The following MLLT1 variants were observed in gnomAD, a reference collection of about 807,000 sequenced individuals.
The protein encoded by MLLT1 is protein ENL.
Under a neutral mutation model 55.1 loss-of-function variants are expected in MLLT1, and 11 were observed. The ratio of observed to expected loss-of-function variants is 0.20; its 90% CI spans 0.13 to 0.33. MLLT1 has a LOEUF of 0.33. MLLT1 is among the 10% of genes least tolerant of loss of function. MLLT1 has a pLI of 1.00. For synonymous variants in MLLT1, 323 were observed against 320.1 expected (o/e 1.01, Z -0.10); for missense variants, 536 against 760.6 (o/e 0.70, Z 3.47).
chr19:6,224,946 G>T (rs1179979905), intron 5 of MLLT1, among the ~76,000 whole-genome samples: 1 of 152,168 alleles, frequency 6.6e-6, no homozygotes. Context: ...AGCCAGGATG[G>T]TCTCCATCTC....
intron 3 of MLLT1, among the ~76,000 whole-genome samples, chr19:6,249,236 A>G (rs1280740478): frequency 6.6e-6 from 1 of 152,220 alleles, no homozygotes; most frequent in East Asian, 1.9e-4. Context: ...AGTTAACCCA[A>G]TTACTAAAAT....
At chr19:6,237,799 A>C (rs1031624157) in intron 3 of MLLT1, among the ~76,000 whole-genome samples, 3 of 151,028 alleles carry the variant, frequency 2.0e-5, no homozygotes, top group African/African-American at 7.3e-5. Flanking sequence ...TAAGAGACGA[A>C]GCAATCAAGA....
intron 5 of MLLT1, among the ~76,000 whole-genome samples, chr19:6,225,899 G>A (rs2144867511): frequency 6.6e-6 from 1 of 152,350 alleles, no homozygotes; most frequent in South Asian, 2.1e-4. Context: ...TCCCCAGCAA[G>A]AGCTTTTCCT....
chr19:6,222,617 G>T lies in MLLT1; in HGVS notation c.614C>A (p.Pro205His). The T allele has an allele frequency of 6.3e-7, 1 of 1,591,524 alleles. No homozygotes were observed. The highest frequency in any genetic ancestry group is 1.3e-5 in the African/African-American group (1 of 74,534). ...HKVTKEHRERPRKDSESKSSS... is the reference protein window; with the variant it reads ...HKVTKEHRERHRKDSESKSSS... ...GCTCTTGCTCTCGGAGTCTTTGCGG[G>T]GCCGCTCCCGGTGCTCCTTGGTCAC... The change falls in exon 6 of 12, where the codon CCC (proline) becomes CAC (histidine). Residue 205 changes from proline (P) to histidine (H), a missense_variant. Transcript: ENST00000252674. This position sits in a 1 kb window ranked among gnomAD's most constrained non-coding sequence, Gnocchi z 4.1.
chr19:6,249,769 T>TCCCAGC (rs1275625091), intron 3 of MLLT1, among the ~76,000 whole-genome samples: 6 of 152,078 alleles, frequency 3.9e-5, no homozygotes, highest in Non-Finnish European at 5.9e-5. Flanking sequence ...GCGCCTGTAA[T>TCCCAGC]CCCAGCACTT....
chr19:6,279,875 G>T lies in MLLT1; in HGVS notation c.-91C>A, dbSNP rs868001743. The T allele has an allele frequency of 4.9e-3, 791 of 162,104 alleles. 2 individuals carry two copies. The highest frequency in any genetic ancestry group is 0.01 in the Admixed American group (152 of 14,806). The allele number at this position is 162,104 out of a possible 1,614,324, so 10.0% of individuals were successfully genotyped here. A position where few individuals can be genotyped will look rare whatever the true frequency, so the allele number is the denominator to read the frequency against. On this transcript the variant is annotated 5_prime_UTR_variant, in exon 1 of 12. Transcript: ENST00000252674. ...TCAACGCCGCCCCGCCGCCCTCATT[G>T]TCTGTCAAGCGCCGCCGCCGCCGCC...
chr19:6,245,690 G>A (rs964264177), intron 3 of MLLT1, among the ~76,000 whole-genome samples: 7 of 151,526 alleles, frequency 4.6e-5, no homozygotes, highest in South Asian at 2.1e-4. Context: ...CAGCCTCGGC[G>A]ACAGAGCGAG....
At position 6,265,061 on chromosome 19, in the gene MLLT1, AAAAC is replaced by A. The variant is rs2091338018; in HGVS notation, c.194-2755_194-2752del. Among the ~76,000 whole-genome samples, 162 of 138,980 alleles carry A rather than the reference AAAAC, an allele frequency of 1.2e-3. 2 individuals are homozygous for A. Among genetic ancestry groups the A allele is most frequent in the East Asian group, 5.3e-3 (25 of 4,724 alleles). The allele number at this position is 138,980 out of a possible 152,430, so 91.2% of individuals were successfully genotyped here. ...AGCAAAAAAAAAACAAAAAAACAAA[AAAAC>A]AAAAAAAAACATGATGTCATAAAGC... On this transcript the variant is annotated intron_variant, in intron 2 of 11. Coordinates refer to ENST00000252674, the MANE Select transcript of MLLT1 (RefSeq NM_005934.4).
rs1043313269 is a variant in MLLT1, at chr19:6,218,115, C to T, written c.1111-74G>A. The T allele has an allele frequency of 2.3e-5, 35 of 1,519,552 alleles. No individual in the cohort carries two copies. The Admixed American group carries it at 2.5e-4, about 11-fold the overall frequency. The allele number at this position is 1,519,552 out of a possible 1,614,324, so 94.1% of individuals were successfully genotyped here. A position where few individuals can be genotyped will look rare whatever the true frequency, so the allele number is the denominator to read the frequency against. Reference sequence around the variant, plus strand: ...CACCTTTCAGCAGAGACAAAGGGGGCCCCCTGGCAGCAGCTACGCTGAGTG... The same window carrying T: ...CACCTTTCAGCAGAGACAAAGGGGGTCCCCTGGCAGCAGCTACGCTGAGTG... On this transcript the variant is annotated intron_variant, in intron 6 of 11. Coordinates refer to ENST00000252674, the MANE Select transcript of MLLT1 (RefSeq NM_005934.4).
intron 2 of MLLT1, among the ~76,000 whole-genome samples, chr19:6,266,095 A>G (rs890598732): frequency 4.6e-5 from 7 of 151,948 alleles, no homozygotes; most frequent in East Asian, 1.9e-4. Flanking sequence ...CTTGGGCAAC[A>G]TGGTGAAATC....
intron 3 of MLLT1, among the ~76,000 whole-genome samples, chr19:6,236,137 G>A (rs2091058617): frequency 6.6e-6 from 1 of 152,198 alleles, no homozygotes; most frequent in South Asian, 2.1e-4. Context: ...ATCCCAGCAG[G>A]GATCACAAGA....
intron 3 of MLLT1, among the ~76,000 whole-genome samples, chr19:6,254,220 T>C (rs953398339): frequency 3.9e-5 from 6 of 152,160 alleles, no homozygotes; most frequent in African/African-American, 1.4e-4. Flanking sequence ...CAATGGAGTC[T>C]CCATAAACAC....
At position 6,227,118 on chromosome 19, in the gene MLLT1, A is replaced by G. The variant is rs2090963467; in HGVS notation, c.421-16T>C. The G allele has an allele frequency of 6.3e-7, 1 of 1,587,432 alleles. No individual in the cohort carries two copies. Among genetic ancestry groups the G allele is most frequent in the Non-Finnish European group, 8.5e-7 (1 of 1,169,744 alleles). ...TTACCATCACCTAGTGACAGAGAAGAGACAGTCATTATCGATGGGCAGGGG... is the reference window on the plus strand; with the variant it reads ...TTACCATCACCTAGTGACAGAGAAGGGACAGTCATTATCGATGGGCAGGGG... On this transcript the variant is annotated splice_polypyrimidine_tract_variant and intron_variant, in intron 4 of 11. Transcript: ENST00000252674. This position sits in a 1 kb window ranked among gnomAD's most constrained non-coding sequence, Gnocchi z 5.1.
In MLLT1 at chr19:6,251,089, C is replaced by A. The variant is rs77888689; in HGVS notation, c.276+11139G>T. 7.9e-3 allele frequency among the ~76,000 whole-genome samples: 1,204 copies of A among 152,092 alleles called. 19 individuals are homozygous for A. The highest frequency in any genetic ancestry group is 0.027 in the African/African-American group (1,127 of 41,472). ...GATGAGTAGCTGCCAGGAACAGTGG[C>A]GATGGGGGGAACGGGAAACAGCTGC... is the stretch of plus-strand genomic sequence containing the variant. On this transcript the variant is annotated intron_variant, in intron 3 of 11. Coordinates refer to ENST00000252674, the MANE Select transcript of MLLT1 (RefSeq NM_005934.4).
chr19:6,232,466 A>C (rs553134183), intron 3 of MLLT1, among the ~76,000 whole-genome samples: 1 of 152,376 alleles, frequency 6.6e-6, no homozygotes, highest in African/African-American at 2.4e-5. Context: ...GGACGTAAGC[A>C]CTAACGCCAC....
intron 3 of MLLT1, among the ~76,000 whole-genome samples, chr19:6,257,685 CA>C (rs1236518829): frequency 6.6e-6 from 1 of 152,008 alleles, no homozygotes; most frequent in Non-Finnish European, 1.5e-5. Flanking sequence ...TCTATAATTC[CA>C]GCTACTCGGG....
At position 6,235,167 on chromosome 19, in the gene MLLT1, C is replaced by T. The variant is rs1434110050; in HGVS notation, c.277-4454G>A. 2.0e-5 allele frequency among the ~76,000 whole-genome samples: 3 copies of T among 152,172 alleles called. No homozygotes were observed. Among genetic ancestry groups the T allele is most frequent in the East Asian group, 1.9e-4 (1 of 5,198 alleles). ...GCAGGGACCACCTTTGGGTGGGTGA[C>T]GGCTACGAGGGGGTTTGTTGCATCT... On this transcript the variant is annotated intron_variant, in intron 3 of 11. Transcript: ENST00000252674. The surrounding 1 kb of genome is among the most constrained non-coding windows in gnomAD (Gnocchi z 5.5).
At chr19:6,249,750 A>G (rs1201873621) in intron 3 of MLLT1, among the ~76,000 whole-genome samples, 1 of 152,062 alleles carries the variant, frequency 6.6e-6, no homozygotes, top group Non-Finnish European at 1.5e-5. Flanking sequence ...CGGTCAAGCA[A>G]AGTGGCTCGC....
At chr19:6,213,297 C>A in intron 11 of MLLT1, 40 bp downstream of exon 11, 1 of 1,611,072 alleles carries the variant, frequency 6.2e-7, no homozygotes. Flanking sequence ...CTCACAGGCA[C>A]CCCGACCTCT....
Sources: gnomAD v4.1 joint callset for allele counts (sites outside exome capture counted in the v4.1 genomes callset) on GRCh38, gnomAD v4.1.1 for gene constraint, Gnocchi (gnomAD v3.1) non-coding constraint, MANE v1.5 for transcripts, NCBI Gene and HGNC (gene_info 2026-07-23, HGNC 2026-07-21) for gene names.